NOLC1: variants seen among roughly 807,000 people sequenced by gnomAD.
The protein encoded by NOLC1 is nucleolar and coiled-body phosphoprotein 1.
Under a neutral mutation model 73.4 loss-of-function variants are expected in NOLC1, and 37 were observed. The ratio of observed to expected loss-of-function variants is 0.50; its 90% CI spans 0.39 to 0.66. The LOEUF (loss-of-function observed/expected upper bound fraction) is 0.66. NOLC1 is among the 30% of genes least tolerant of loss of function. The pLI is 0.00. For missense variants in NOLC1, 921 were observed against 838.9 expected, an observed-to-expected ratio of 1.10 and a Z score of -1.21; for synonymous variants, 327 against 302.6, an observed-to-expected ratio of 1.08 and a Z score of -0.84.
At chr10:102,158,879 G>T (rs1261753622) in intron 5 of NOLC1, among the ~76,000 whole-genome samples, 2 of 151,848 alleles carry the variant, frequency 1.3e-5, no homozygotes, top group Non-Finnish European at 2.9e-5. Flanking sequence ...CGGATTGCTT[G>T]AGGTCAGGAG....
Position 102,162,858 on chromosome 10 carries a change from T to C in NOLC1, c.*589T>C, listed in dbSNP as rs184164711. 1 of 152,254 alleles carries C rather than the reference T, an allele frequency of 6.6e-6. No individual in the cohort carries two copies. The highest frequency in any genetic ancestry group is 1.5e-5 in the Non-Finnish European group (1 of 68,058). 9.4% of individuals were successfully genotyped at this position (152,254 alleles called of 1,614,324 possible). On this transcript the variant is annotated 3_prime_UTR_variant, in exon 13 of 13. Coordinates refer to ENST00000605788, the MANE Select transcript of NOLC1 (RefSeq NM_004741.5). ...TTATTGGGTCTGGGACTGAAGTTTT[T>C]AGCCAGCATGGACCTAACCTACTTT...
chr10:102,160,898 A>G lies in NOLC1; in HGVS notation c.1546A>G (p.Ser516Gly). The G allele has an allele frequency of 2.5e-6, 4 of 1,614,200 alleles. No individual in the cohort carries two copies. The South Asian group carries it at 4.4e-5, about 18-fold the overall frequency. ...PASAKKGKAESSNSSSSDDSS... is the reference protein window; with the variant it reads ...PASAKKGKAEGSNSSSSDDSS... ...CTCTGCAAAGAAAGGAAAGGCTGAG[A>G]GCAGCAACAGTTCTTCTTCTGATGA... The change falls in exon 10 of 13, where the codon AGC becomes GGC. Residue 516 changes from serine (S) to glycine (G), a missense_variant. Coordinates refer to ENST00000605788, the MANE Select transcript of NOLC1 (RefSeq NM_004741.5).
At chr10:102,158,668 C>T (rs891066620) in intron 5 of NOLC1, among the ~76,000 whole-genome samples, 2 of 151,960 alleles carry the variant, frequency 1.3e-5, no homozygotes, top group Non-Finnish European at 2.9e-5. Context: ...TTTTAGAGGG[C>T]GTATTGAGAT....
chr10:102,163,697 G>C lies in NOLC1; in HGVS notation c.*1428G>C, dbSNP rs2069749439. 6.6e-6 allele frequency: 1 copy of C among 152,192 alleles called. No homozygotes were observed. Among genetic ancestry groups the C allele is most frequent in the Non-Finnish European group, 1.5e-5 (1 of 68,034 alleles). 9.4% of individuals were successfully genotyped at this position (152,192 alleles called of 1,614,324 possible). ...GGACGAGTTATAGGTCTTAAGATTAGTCTCCTCTTGTTTGGATTCCATACT... is the reference window on the plus strand; with the variant it reads ...GGACGAGTTATAGGTCTTAAGATTACTCTCCTCTTGTTTGGATTCCATACT... On this transcript the variant is annotated 3_prime_UTR_variant, in exon 13 of 13. Coordinates refer to ENST00000605788, the MANE Select transcript of NOLC1 (RefSeq NM_004741.5).
chr10:102,155,253 G>A (rs1431372694), intron 1 of NOLC1, among the ~76,000 whole-genome samples: 1 of 151,308 alleles, frequency 6.6e-6, no homozygotes, highest in African/African-American at 2.4e-5. Context: ...TCGAACTCCC[G>A]ATCTCAGATG....
At chr10:102,158,582 A>G (rs932483559) in intron 5 of NOLC1, among the ~76,000 whole-genome samples, 1 of 152,180 alleles carries the variant, frequency 6.6e-6, no homozygotes, top group African/African-American at 2.4e-5. Context: ...TATGAGACAA[A>G]TGAGAATTTT....
rs749948056 is a variant in NOLC1 at position 102,159,301 on chromosome 10, C to T, written c.716C>T (p.Pro239Leu). 1.9e-6 allele frequency: 3 copies of T among 1,613,982 alleles called. No homozygotes were observed. The highest frequency in any genetic ancestry group is 2.5e-6 in the Non-Finnish European group (3 of 1,180,016). The change falls in exon 6 of 13, where the codon CCC (proline) becomes CTC (leucine). Residue 239 changes from proline (P) to leucine (L), a missense_variant. Pro to Leu is a moderately conservative substitution (Grantham distance 98, BLOSUM62 -3). Coordinates refer to ENST00000605788, the MANE Select transcript of NOLC1 (RefSeq NM_004741.5). ...GAGGAGGAGAAGGCAGCAGCCACCCCCAAGAAGGTCTGGACCATAACTTCT... is the reference window on the plus strand; with the variant it reads ...GAGGAGGAGAAGGCAGCAGCCACCCTCAAGAAGGTCTGGACCATAACTTCT... ...DSEEEKAAATPKKTVPKKQVV... is the reference protein window; with the variant it reads ...DSEEEKAAATLKKTVPKKQVV...
At chr10:102,161,527 C>T (rs564291519) in intron 10 of NOLC1, 29 bp from the exon 11 acceptor site, 19 of 1,565,332 alleles carry the variant, frequency 1.2e-5, no homozygotes, top group African/African-American at 6.8e-5. Flanking sequence ...CCACTGTACT[C>T]GGCCTGAGTC....
At chr10:102,156,772 T>C (rs537034357) in intron 1 of NOLC1, among the ~76,000 whole-genome samples, 1 of 152,204 alleles carries the variant, frequency 6.6e-6, no homozygotes, top group East Asian at 1.9e-4. Context: ...TTGATCAATA[T>C]AGATTGGCAG....
chr10:102,153,863 A>C (rs891918219), intron 1 of NOLC1, among the ~76,000 whole-genome samples: 7 of 150,862 alleles, frequency 4.6e-5, no homozygotes, highest in Admixed American at 1.3e-4. Context: ...AGTAGAGATG[A>C]GGTTTCACCA....
rs1225943678 is a variant in NOLC1 at position 102,152,395 on chromosome 10, G to A, written c.-16G>A. The A allele has an allele frequency of 2.5e-6, 4 of 1,607,332 alleles. No homozygotes were observed. Among genetic ancestry groups the A allele is most frequent in the Non-Finnish European group, 3.4e-6 (4 of 1,180,002 alleles). ...GTGCTGCGTCGACAACGGTAGTGAC[G>A]CGTATTGCCTGGAGGATGGCGGACG... On this transcript the variant is annotated 5_prime_UTR_variant, in exon 1 of 13. Transcript: ENST00000605788.
intron 10 of NOLC1, 145 bp downstream of exon 10, chr10:102,161,238 C>T (rs1403811764): frequency 4.6e-5 from 31 of 671,534 alleles, no homozygotes; most frequent in Non-Finnish European, 7.0e-5. Flanking sequence ...AACTGGTTAC[C>T]TTTTTTTTTT....
rs202020311 is a variant in NOLC1, at chr10:102,160,524, C to T, written c.1172C>T (p.Pro391Leu). The T allele has an allele frequency of 3.9e-5, 63 of 1,614,068 alleles. No homozygotes were observed. Among genetic ancestry groups the T allele is most frequent in the Non-Finnish European group, 7.6e-6 (9 of 1,180,054 alleles). ...ACCACCAAGAATTCTTCAAATAAGC[C>T]AGCTGTCACCACCAAGTCACCTGCA... is the stretch of plus-strand genomic sequence containing the variant. ...AGTTKNSSNK[P>L]AVTTKSPAVK... Residue 391 changes from proline to leucine, a missense_variant, in exon 10 of 13, where the codon CCA (proline) becomes CTA (leucine). Physicochemically the swap from Pro to Leu is moderately conservative, Grantham distance 98. Coordinates refer to ENST00000605788, the MANE Select transcript of NOLC1 (RefSeq NM_004741.5).
At chr10:102,152,615 A>G (rs1412325584) in intron 1 of NOLC1, 85 bp downstream of exon 1, 13 of 1,575,740 alleles carry the variant, frequency 8.3e-6, no homozygotes, top group East Asian at 6.9e-5. Context: ...CAGGTGGGGA[A>G]GTCTGGGGGT....
chr10:102,152,505 A>T lies in NOLC1; in HGVS notation c.95A>T (p.Asn32Ile), dbSNP rs771988687. ...GATAACCAACTCTCAGAGGTGGCCA[A>T]TAAGTTCGCCAAAGCGACAGGAGCT... ...LRDNQLSEVA[N>I]KFAKATGATQ... is the part of the protein sequence containing the mutation. Residue 32 changes from asparagine to isoleucine, a missense_variant, in exon 1 of 13, where the codon AAT becomes ATT. Asn to Ile is a moderately radical substitution (Grantham distance 149). Transcript: ENST00000605788. The T allele has an allele frequency of 1.2e-6, 2 of 1,613,880 alleles. No individual in the cohort carries two copies. The highest frequency in any genetic ancestry group is 1.7e-6 in the Non-Finnish European group (2 of 1,180,038).
chr10:102,157,523 G>C lies in NOLC1; in HGVS notation c.409G>C (p.Asp137His). 1.9e-6 allele frequency: 3 copies of C among 1,614,142 alleles called. No homozygotes were observed. Among genetic ancestry groups the C allele is most frequent in the East Asian group, 2.2e-5 (1 of 44,888 alleles). The change falls in exon 4 of 13, where the codon GAT (aspartate) becomes CAT (histidine). Residue 137 changes from aspartate to histidine, a missense_variant. Coordinates refer to ENST00000605788, the MANE Select transcript of NOLC1 (RefSeq NM_004741.5). Reference protein sequence around the residue: ...SSSEESSDDDDEEDQKKQPVQ... With the variant: ...SSSEESSDDDHEEDQKKQPVQ... Reference sequence around the variant, plus strand: ...CAGTGAAGAGTCCAGTGATGATGATGATGAGGAGGACCAAAAGAAACAGCC... The same window carrying C: ...CAGTGAAGAGTCCAGTGATGATGATCATGAGGAGGACCAAAAGAAACAGCC...
chr10:102,156,969 G>C (rs375753221), intron 1 of NOLC1, 50 bp from the exon 2 acceptor site: 2 of 1,559,536 alleles, frequency 1.3e-6, no homozygotes, highest in African/African-American at 2.7e-5. Flanking sequence ...TTTAATGAAA[G>C]CATAACCAGG....
chr10:102,156,544 T>G (rs1175403126), intron 1 of NOLC1, among the ~76,000 whole-genome samples: 4 of 152,088 alleles, frequency 2.6e-5, no homozygotes, highest in Non-Finnish European at 5.9e-5. Flanking sequence ...TTCAAGCAAT[T>G]CTCCTGCTTC....
intron 7 of NOLC1, 24 bp downstream of exon 7, chr10:102,159,592 C>T (rs1484453442): frequency 6.2e-7 from 1 of 1,608,294 alleles, no homozygotes; most frequent in Non-Finnish European, 8.5e-7. Flanking sequence ...GGGAGCGAAG[C>T]TGTGTGACTG....
Sources: allele counts gnomAD v4.1 joint callset (sites outside exome capture counted in the v4.1 genomes callset), GRCh38; gene constraint gnomAD v4.1.1; transcripts MANE v1.5; gene names NCBI Gene and HGNC (gene_info 2026-07-23, HGNC 2026-07-21).